The following BOD1L1 variants were observed in gnomAD, a reference collection of about 807,000 sequenced individuals.
BOD1L1 encodes biorientation of chromosomes in cell division 1 like 1, also known as biorientation of chromosomes in cell division protein 1-like 1.
A neutral mutation model predicts 240.7 loss-of-function variants in BOD1L1; 86 were observed. That is an observed-to-expected ratio of 0.36 (90% CI 0.30 to 0.43). The LOEUF is 0.43. BOD1L1 is among the 20% of genes least tolerant of loss of function. The pLI is 1.00. For synonymous variants in BOD1L1, 1,268 were observed against 1,272.3 expected (o/e 1.00, Z 0.07); for missense variants, 3,554 against 3,643.5 (o/e 0.98, Z 0.63).
chr4:13,575,012 C>T (rs891720871), intron 25 of BOD1L1, among the ~76,000 whole-genome samples: 27 of 151,642 alleles, frequency 1.8e-4, no homozygotes, highest in Admixed American at 5.9e-4. Flanking sequence ...CTCCACCTCC[C>T]GAGTTCAAGC....
intron 25 of BOD1L1, among the ~76,000 whole-genome samples, chr4:13,571,169 G>C (rs1712177085): frequency 6.6e-6 from 1 of 152,102 alleles, no homozygotes; most frequent in Non-Finnish European, 1.5e-5. Flanking sequence ...TCCCCCATTA[G>C]ACACGATGAT....
chr4:13,584,426 G>A (rs890063327), intron 17 of BOD1L1, among the ~76,000 whole-genome samples: 1 of 137,560 alleles, frequency 7.3e-6, no homozygotes, highest in Non-Finnish European at 1.5e-5. Flanking sequence ...GTGGCGGGGA[G>A]AGAAAGAGAG....
Position 13,608,680 on chromosome 4 carries a change from G to A in BOD1L1, c.1604-12C>T. 1 of 1,418,984 alleles carries A rather than the reference G, an allele frequency of 7.0e-7. No individual in the cohort carries two copies. The highest frequency in any genetic ancestry group is 9.2e-7 in the Non-Finnish European group (1 of 1,084,988). The allele number at this position is 1,418,984 out of a possible 1,614,324, so 87.9% of individuals were successfully genotyped here. On this transcript the variant is annotated splice_polypyrimidine_tract_variant and intron_variant, in intron 7 of 25. Coordinates refer to ENST00000040738, the MANE Select transcript of BOD1L1 (RefSeq NM_148894.3). ...CACACTACTCCTGCCTAGAAAAGAA[G>A]CAATCAATAAAACGTATTTCAGAAA... is the stretch of plus-strand genomic sequence containing the variant.
chr4:13,586,743 C>T (rs369443411), intron 16 of BOD1L1, among the ~76,000 whole-genome samples: 63 of 152,272 alleles, frequency 4.1e-4, no homozygotes, highest in Non-Finnish European at 6.3e-4. Context: ...AAGGGCTTAG[C>T]GTATAGTTTC....
At chr4:13,597,686 G>C (rs1714734592) in intron 10 of BOD1L1, among the ~76,000 whole-genome samples, 1 of 152,166 alleles carries the variant, frequency 6.6e-6, no homozygotes, top group African/African-American at 2.4e-5. Context: ...TCCTTCTTTA[G>C]ATTGTGTAGA....
intron 24 of BOD1L1, 102 bp from the exon 25 acceptor site, chr4:13,577,093 G>A: frequency 7.3e-7 from 1 of 1,371,932 alleles, no homozygotes; most frequent in Non-Finnish European, 9.8e-7. Context: ...GGGACTTGGA[G>A]GCAGAGAAAT....
At chr4:13,596,400 T>C (rs1352374388) in intron 11 of BOD1L1, among the ~76,000 whole-genome samples, 1 of 152,142 alleles carries the variant, frequency 6.6e-6, no homozygotes, top group African/African-American at 2.4e-5. Context: ...TCTATTCCAG[T>C]GTCCTCCTTG....
intron 15 of BOD1L1, 87 bp from the exon 16 acceptor site, chr4:13,587,858 T>A: frequency 1.1e-6 from 1 of 922,816 alleles, no homozygotes; most frequent in Non-Finnish European, 1.6e-6. Context: ...GATTCTAACC[T>A]TTGGAATAAG....
chr4:13,588,862 G>T, intron 14 of BOD1L1, 70 bp from the exon 15 acceptor site: 1 of 1,134,210 alleles, frequency 8.8e-7, no homozygotes, highest in Non-Finnish European at 1.2e-6. Flanking sequence ...ACTTAGGTAT[G>T]TGTTAGGGGG....
chr4:13,600,208 A>C lies in BOD1L1; in HGVS notation c.6692T>G (p.Val2231Gly). The change falls in exon 10 of 26, where the codon GTT becomes GGT. Residue 2231 changes from valine (V) to glycine (G), a missense_variant. Physicochemically the swap from Val to Gly is moderately radical, Grantham distance 109. Coordinates refer to ENST00000040738, the MANE Select transcript of BOD1L1 (RefSeq NM_148894.3). ...TTCACTTTCAACAACTACACCGGAA[A>C]CAGAAGCCTCACATTCTTCTGCTAT... ...TSIAEECEAS[V>G]SGVVVESENE... The C allele has an allele frequency of 6.2e-7, 1 of 1,613,964 alleles. No individual in the cohort carries two copies. The highest frequency in any genetic ancestry group is 1.3e-5 in the African/African-American group (1 of 75,020).
chr4:13,623,716 G>A (rs1312254652), intron 1 of BOD1L1: 1 of 152,192 alleles, frequency 6.6e-6, no homozygotes, highest in African/African-American at 2.4e-5. Flanking sequence ...TCTCATCCTG[G>A]TTTAAACACA....
rs1715161420 is a variant in BOD1L1, at chr4:13,601,524, G to A, written c.5376C>T (p.Thr1792=). The change falls in exon 10 of 26, where the codon ACC becomes ACT. Residue 1792 remains threonine (T), a synonymous_variant. Coordinates refer to ENST00000040738, the MANE Select transcript of BOD1L1 (RefSeq NM_148894.3). ...CTCCATCTTCTGTTATCCCCGTGCT[G>A]GTGACTGCACTCTCACCTTCTGTAC... ...NDGTEGESAV[T]STGITEDGEG... 1 of 1,613,856 alleles carries A rather than the reference G, an allele frequency of 6.2e-7. No individual in the cohort carries two copies. The highest frequency in any genetic ancestry group is 1.3e-5 in the African/African-American group (1 of 74,908).
At chr4:13,571,336 A>T (rs1476776534) in intron 25 of BOD1L1, among the ~76,000 whole-genome samples, 1 of 152,254 alleles carries the variant, frequency 6.6e-6, no homozygotes, top group African/African-American at 2.4e-5. Context: ...TCTTAGTGAT[A>T]TGAAGACACG....
Position 13,577,400 on chromosome 4 carries a change from T to C in BOD1L1, c.8884+3A>G, listed in dbSNP as rs370410022. 4.4e-4 allele frequency: 704 copies of C among 1,612,290 alleles called. No individual in the cohort carries two copies. The highest frequency in any genetic ancestry group is 5.5e-4 in the Non-Finnish European group (652 of 1,179,284). ...ACTTATTAAGAATTTGCTAGAAACA[T>C]ACCAGCATCATCTGATACAGTGAGA... On this transcript the variant is annotated splice_donor_region_variant and intron_variant, in intron 24 of 25. Coordinates refer to ENST00000040738, the MANE Select transcript of BOD1L1 (RefSeq NM_148894.3).
In BOD1L1 at chr4:13,570,142, A is replaced by G. The variant is rs1343308912; in HGVS notation, c.9039-14T>C. The G allele has an allele frequency of 6.5e-7, 1 of 1,536,338 alleles. No individual in the cohort carries two copies. The highest frequency in any genetic ancestry group is 1.4e-5 in the African/African-American group (1 of 70,858). On this transcript the variant is annotated splice_polypyrimidine_tract_variant and intron_variant, in intron 25 of 25. Transcript: ENST00000040738. ...TGTGTCTTTGATCTGCATTAAGCAA[A>G]GTCAAGGCAATGGTGAGGTTTAAAA...
chr4:13,580,896 G>T, intron 21 of BOD1L1, 124 bp downstream of exon 21: 1 of 825,960 alleles, frequency 1.2e-6, no homozygotes, highest in Non-Finnish European at 1.8e-6. Flanking sequence ...TATATGAATG[G>T]TTACTCAGTC....
intron 15 of BOD1L1, among the ~76,000 whole-genome samples, chr4:13,588,103 GC>G (rs1713861905): frequency 6.6e-6 from 1 of 151,474 alleles, no homozygotes; most frequent in Non-Finnish European, 1.5e-5. Context: ...CAGGAGAATG[GC>G]GTGAACCCCG....
intron 25 of BOD1L1, among the ~76,000 whole-genome samples, chr4:13,573,208 G>A (rs1712358576): frequency 6.6e-6 from 1 of 152,164 alleles, no homozygotes; most frequent in Admixed American, 6.5e-5. Context: ...TAAGTGTTAA[G>A]GCCCAAGTAG....
At chr4:13,589,715 T>C (rs1032347681) in intron 14 of BOD1L1, among the ~76,000 whole-genome samples, 1 of 152,158 alleles carries the variant, frequency 6.6e-6, no homozygotes, top group Non-Finnish European at 1.5e-5. Flanking sequence ...TTTTAAAAGG[T>C]ATGTGAAGCA....
Sources: gnomAD v4.1 joint callset for allele counts (sites outside exome capture counted in the v4.1 genomes callset) on GRCh38, gnomAD v4.1.1 for gene constraint, MANE v1.5 for transcripts, NCBI Gene and HGNC (gene_info 2026-07-23, HGNC 2026-07-21) for gene names.